BNC1: variants seen among roughly 807,000 people sequenced by gnomAD.
BNC1 encodes the protein zinc finger protein basonuclin-1.
In BNC1, 8 loss-of-function variants were observed where a neutral mutation model predicts 66.5. The ratio of observed to expected loss-of-function variants is 0.12; its 90% confidence interval spans 0.07 to 0.22. BNC1 has a LOEUF of 0.22. Among genes scored for constraint, BNC1 ranks in the 10% least tolerant of loss-of-function variants. The probability of loss-of-function intolerance (pLI) is 1.00; values close to 1 mark genes in which losing one functional copy is unlikely to be tolerated. For synonymous variants in BNC1, 454 were observed against 452.6 expected (o/e 1.00, Z -0.04); for missense variants, 1,069 against 1,241.3 (o/e 0.86, Z 2.09).
At chr15:83,261,707 G>A (rs1941353175) in intron 4 of BNC1, among the ~76,000 whole-genome samples, 2 of 152,160 alleles carry the variant, frequency 1.3e-5, no homozygotes, top group African/African-American at 4.8e-5. Flanking sequence ...GCTCTATAGC[G>A]GGGGACTTTG....
Position 83,264,173 on chromosome 15 carries a change from T to G in BNC1, c.1078A>C (p.Thr360Pro). The G allele has an allele frequency of 6.2e-7, 1 of 1,614,208 alleles. No homozygotes were observed. The highest frequency in any genetic ancestry group is 8.5e-7 in the Non-Finnish European group (1 of 1,180,040). The change falls in exon 4 of 5, where the codon ACT (threonine) becomes CCT (proline). Residue 360 changes from threonine (T) to proline (P), a missense_variant. By Grantham distance (38) the Thr-to-Pro change is conservative. Around this residue, in one of 7 missense-constraint regions of BNC1, gnomAD observed 82 missense variants for 136.3 expected, o/e 0.60. Transcript: ENST00000345382. ...TCATAGAAGGTCTTCTCACATGCAGTGCAGAACACCCGGCCCTTCTTTGTA... is the reference window on the plus strand; with the variant it reads ...TCATAGAAGGTCTTCTCACATGCAGGGCAGAACACCCGGCCCTTCTTTGTA... ...LGTKKGRVFCTACEKTFYDKG... is the reference protein window; with the variant it reads ...LGTKKGRVFCPACEKTFYDKG...
chr15:83,275,994 A>T (rs1324367285), intron 1 of BNC1, among the ~76,000 whole-genome samples: 1 of 151,904 alleles, frequency 6.6e-6, no homozygotes, highest in African/African-American at 2.4e-5. Context: ...GGCACCTTTC[A>T]CTGAGAGGTA....
chr15:83,272,989 C>G (rs944623156), intron 1 of BNC1, among the ~76,000 whole-genome samples: 1 of 152,046 alleles, frequency 6.6e-6, no homozygotes, highest in Non-Finnish European at 1.5e-5. Context: ...TGGGGGGGGG[C>G]CTATACCACT....
chr15:83,258,006 A>T lies in BNC1; in HGVS notation c.2421T>A (p.Asp807Glu), dbSNP rs146663253. 1.9e-6 allele frequency: 3 copies of T among 1,614,126 alleles called. No homozygotes were observed. In the East Asian group the frequency reaches 6.7e-5, roughly 36 times the overall value. Residue 807 changes from aspartate to glutamate, a missense_variant, in exon 5 of 5, where the codon GAT (aspartate) becomes GAA (glutamate). Physicochemically the swap from Asp to Glu is conservative, Grantham distance 45. Around this residue, in one of 7 missense-constraint regions of BNC1, gnomAD observed 657 missense variants for 715.8 expected, o/e 0.92. Coordinates refer to ENST00000345382, the MANE Select transcript of BNC1 (RefSeq NM_001717.4). ...LKDVAKEAYQDVAFTQQASQT... is the reference protein window; with the variant it reads ...LKDVAKEAYQEVAFTQQASQT... ...GGGAGGCTTGCTGTGTAAAAGCCAC[A>T]TCCTGATAGGCTTCCTTAGCCACAT...
At position 83,257,448 on chromosome 15, in the gene BNC1, G is replaced by C; in HGVS notation, c.2979C>G (p.Leu993=). Reference sequence around the variant, plus strand: ...TACTTGGTTTGCCATCTTGTTACTGGAGGTGACTTGGAGATGAGGCCAGGC... The same window carrying C: ...TACTTGGTTTGCCATCTTGTTACTGCAGGTGACTTGGAGATGAGGCCAGGC... ...HKSLASSPSH[L]Q The change falls in exon 5 of 5, where the codon CTC becomes CTG. Residue 993 remains leucine, a synonymous_variant. Transcript: ENST00000345382. 1 of 1,611,220 alleles carries C rather than the reference G, an allele frequency of 6.2e-7. No individual in the cohort carries two copies. Among genetic ancestry groups the C allele is most frequent in the East Asian group, 2.2e-5 (1 of 44,840 alleles).
At chr15:83,264,837 G>A (rs563186420) in intron 3 of BNC1, 22 bp from the exon 4 acceptor site, 1 of 1,601,604 alleles carries the variant, frequency 6.2e-7, no homozygotes, top group South Asian at 1.1e-5. Context: ...CCAGATGTTA[G>A]AAGTGTGATC....
intron 1 of BNC1, among the ~76,000 whole-genome samples, chr15:83,273,717 G>T (rs912904194): frequency 6.6e-6 from 1 of 152,074 alleles, no homozygotes; most frequent in Admixed American, 6.6e-5. Context: ...TTTTAGGCAC[G>T]CTCCTGGACC....
intron 1 of BNC1, among the ~76,000 whole-genome samples, chr15:83,269,904 AATACTGATAC>A (rs2038253760): frequency 6.6e-6 from 1 of 152,238 alleles, no homozygotes; most frequent in Non-Finnish European, 1.5e-5. Flanking sequence ...AAAGTAATGA[AATACTGATAC>A]ATGCTGCAAC....
chr15:83,282,122 A>C (rs1308109400), intron 1 of BNC1, among the ~76,000 whole-genome samples: 2 of 152,256 alleles, frequency 1.3e-5, no homozygotes, highest in Non-Finnish European at 1.5e-5. Context: ...CTGAAGGGAC[A>C]CTATAGGTAC....
At chr15:83,283,983 C>A (rs2038413881) in intron 1 of BNC1, among the ~76,000 whole-genome samples, 1 of 152,162 alleles carries the variant, frequency 6.6e-6, no homozygotes, top group Non-Finnish European at 1.5e-5. Context: ...CCGCCCGTCT[C>A]CGCAGTTCTC....
At position 83,281,818 on chromosome 15, in the gene BNC1, G is replaced by A. The variant is rs115117068; in HGVS notation, c.99+2712C>T. On this transcript the variant is annotated intron_variant, in intron 1 of 4. Coordinates refer to ENST00000345382, the MANE Select transcript of BNC1 (RefSeq NM_001717.4). ...ACTACTTTGTTCCACAGGGAAACCT[G>A]TATGGCTTTTCTCTCTCATCTATCG... 2.9e-3 allele frequency among the ~76,000 whole-genome samples: 437 copies of A among 152,364 alleles called. 4 individuals are homozygous for A. The highest frequency in any genetic ancestry group is 1.0e-2 in the African/African-American group (415 of 41,596).
At chr15:83,284,272 C>G (rs1403550823) in intron 1 of BNC1, among the ~76,000 whole-genome samples, 3 of 151,974 alleles carry the variant, frequency 2.0e-5, no homozygotes, top group Non-Finnish European at 2.9e-5. Context: ...GCCCGCAGAT[C>G]CGGCGCGGAG....
Position 83,282,797 on chromosome 15 carries a change from T to C in BNC1, c.99+1733A>G, listed in dbSNP as rs1435502623. Among the ~76,000 whole-genome samples the C allele has an allele frequency of 2.0e-5, 3 of 152,248 alleles. No homozygotes were observed. The East Asian group carries it at 5.8e-4, about 29-fold the overall frequency. ...AATCTTGTCGCTTTGATGAAAAGAA[T>C]ATATTTTTAAAAAAATTGTTGCTAC... On this transcript the variant is annotated intron_variant, in intron 1 of 4. Coordinates refer to ENST00000345382, the MANE Select transcript of BNC1 (RefSeq NM_001717.4).
At chr15:83,270,126 G>A (rs1045542610) in intron 1 of BNC1, among the ~76,000 whole-genome samples, 5 of 152,172 alleles carry the variant, frequency 3.3e-5, no homozygotes, top group African/African-American at 1.2e-4. Context: ...GAGGGAGTGT[G>A]TTCTTGTTTG....
At chr15:83,265,599 A>G (rs528408437) in intron 3 of BNC1, among the ~76,000 whole-genome samples, 3 of 152,338 alleles carry the variant, frequency 2.0e-5, no homozygotes, top group South Asian at 4.1e-4. Context: ...ATATTGATCT[A>G]TGTCCTAACG....
intron 1 of BNC1, chr15:83,283,014 C>T (rs910954950): frequency 1.8e-5 from 22 of 1,207,804 alleles, no homozygotes; most frequent in Non-Finnish European, 2.2e-5. Flanking sequence ...AGGACTGAGG[C>T]GAGCACAGCC....
In BNC1 at chr15:83,257,424, A is replaced by G; in HGVS notation, c.*18T>C. 6.3e-7 allele frequency: 1 copy of G among 1,599,352 alleles called. No homozygotes were observed. Among genetic ancestry groups the G allele is most frequent in the Non-Finnish European group, 8.5e-7 (1 of 1,171,008 alleles). The stretch of plus-strand genomic sequence containing the variant: ...TTATGAAAAAAGCTTATCTGAGCAT[A>G]CTTGGTTTGCCATCTTGTTACTGGA... On this transcript the variant is annotated 3_prime_UTR_variant, in exon 5 of 5. Coordinates refer to ENST00000345382, the MANE Select transcript of BNC1 (RefSeq NM_001717.4).
rs749301054 is a variant in BNC1, at chr15:83,264,813, A to G, written c.438T>C (p.Asp146=). The G allele has an allele frequency of 1.2e-6, 2 of 1,612,200 alleles. No individual in the cohort carries two copies. The highest frequency in any genetic ancestry group is 1.7e-6 in the Non-Finnish European group (2 of 1,178,966). ...AGTGATCCAACACCTTTCCTGATGC[A>G]TCCTAAACCCAAACCAGATGTTAGA... ...QDYIRGYVLQ[D]ASGKVLDHWS... is the part of the protein sequence containing the mutation. Residue 146 remains aspartate (D), a splice_region_variant and synonymous_variant, in exon 4 of 5, where the codon GAT becomes GAC. Coordinates refer to ENST00000345382, the MANE Select transcript of BNC1 (RefSeq NM_001717.4).
chr15:83,278,877 C>T (rs1400256388), intron 1 of BNC1, among the ~76,000 whole-genome samples: 1 of 152,130 alleles, frequency 6.6e-6, no homozygotes, highest in Non-Finnish European at 1.5e-5. Flanking sequence ...AGGAAATAAT[C>T]ATTGAAATTC....
Sources: allele counts gnomAD v4.1 joint callset (sites outside exome capture counted in the v4.1 genomes callset), GRCh38; gene constraint gnomAD v4.1.1; regional missense constraint gnomAD v4.1.1; transcripts MANE v1.5; gene names NCBI Gene and HGNC (gene_info 2026-07-23, HGNC 2026-07-21).